The following RSPO2 variants were observed in gnomAD, a reference collection of about 807,000 sequenced individuals.
RSPO2 encodes R-spondin 2.
RSPO2 carries 14 observed loss-of-function variants against 30.9 expected under a neutral mutation model. That is an observed-to-expected ratio of 0.45 (90% CI 0.30 to 0.71). The LOEUF (loss-of-function observed/expected upper bound fraction) is 0.71, where lower values mean the gene tolerates loss of function less well. RSPO2 is among the 30% of genes least tolerant of loss of function. The probability of loss-of-function intolerance (pLI) is 0.08; values close to 1 mark genes in which losing one functional copy is unlikely to be tolerated. For synonymous variants in RSPO2, 107 were observed against 96.4 expected (o/e 1.11, Z -0.64); for missense variants, 264 against 301.9 (o/e 0.87, Z 0.93).
Position 107,971,723 on chromosome 8 carries a change from AAC to A in RSPO2, c.284-10908_284-10907del, listed in dbSNP as rs936863645. Among the ~76,000 whole-genome samples, 14 of 152,298 alleles carry A rather than the reference AAC, an allele frequency of 9.2e-5. No homozygotes were observed. The East Asian group carries it at 1.9e-3, about 21-fold the overall frequency. ...CAAGAGAACACTGTGATCTTTCAAA[AAC>A]ACACATTTTTCACGTCATTTCCCTA... On this transcript the variant is annotated intron_variant, in intron 3 of 5. Transcript: ENST00000276659.
intron 3 of RSPO2, among the ~76,000 whole-genome samples, chr8:107,973,416 T>C (rs1316474245): frequency 6.6e-6 from 1 of 152,104 alleles, no homozygotes; most frequent in African/African-American, 2.4e-5. Flanking sequence ...GTTTGACCTA[T>C]ATCGGTCTGC....
intron 2 of RSPO2, among the ~76,000 whole-genome samples, chr8:108,040,235 C>G (rs1330642608): frequency 6.6e-6 from 1 of 152,022 alleles, no homozygotes; most frequent in African/African-American, 2.4e-5. Context: ...AGCAACCAAC[C>G]AGAAGGTTGT....
In RSPO2 at chr8:107,951,141, C is replaced by T. The variant is rs144719043; in HGVS notation, c.616+6939G>A. Among the ~76,000 whole-genome samples, 1,132 of 151,132 alleles carry T rather than the reference C, an allele frequency of 7.5e-3. 7 individuals carry two copies. The highest frequency in any genetic ancestry group is 0.012 in the Non-Finnish European group (785 of 67,928). On this transcript the variant is annotated intron_variant, in intron 5 of 5. Coordinates refer to ENST00000276659, the MANE Select transcript of RSPO2 (RefSeq NM_178565.5). ...GAGTGCAGTGGCACGATTTCAGCTC[C>T]ACCTCCTGGGTTCAAGAGATTCTTC...
At chr8:108,075,426 G>C (rs1452439173) in intron 2 of RSPO2, among the ~76,000 whole-genome samples, 1 of 151,108 alleles carries the variant, frequency 6.6e-6, no homozygotes, top group Non-Finnish European at 1.5e-5. Flanking sequence ...GGTTCAGTGA[G>C]TCAAGATCAC....
intron 3 of RSPO2, among the ~76,000 whole-genome samples, chr8:107,965,597 A>T (rs918779052): frequency 2.6e-5 from 4 of 151,976 alleles, no homozygotes; most frequent in Non-Finnish European, 1.5e-5. Context: ...TCTTGGGTAC[A>T]TTAGAGACAG....
At chr8:107,962,282 G>T (rs1333086908) in intron 3 of RSPO2, among the ~76,000 whole-genome samples, 1 of 151,964 alleles carries the variant, frequency 6.6e-6, no homozygotes, top group African/African-American at 2.4e-5. Context: ...AAATTTAAAG[G>T]CTAAAAACAA....
chr8:107,956,893 A>G (rs1486051538), intron 5 of RSPO2, among the ~76,000 whole-genome samples: 1 of 152,194 alleles, frequency 6.6e-6, no homozygotes, highest in African/African-American at 2.4e-5. Context: ...TTTGACTGAA[A>G]AATACCTAGT....
intron 2 of RSPO2, among the ~76,000 whole-genome samples, chr8:108,008,791 A>C (rs1220736115): frequency 6.7e-6 from 1 of 149,904 alleles, no homozygotes; most frequent in African/African-American, 2.5e-5. Flanking sequence ...AAACTGCAAA[A>C]AAAAAAAAAT....
chr8:107,967,110 AC>A (rs1445572421), intron 3 of RSPO2, among the ~76,000 whole-genome samples: 1 of 152,202 alleles, frequency 6.6e-6, no homozygotes, highest in African/African-American at 2.4e-5. Flanking sequence ...GGATCAAAGA[AC>A]ATCAAGCCAA....
chr8:107,977,309 G>T (rs1170866756), intron 3 of RSPO2, among the ~76,000 whole-genome samples: 1 of 152,158 alleles, frequency 6.6e-6, no homozygotes, highest in Admixed American at 6.5e-5. Context: ...AGCCAGTCGG[G>T]TCAGCCACAC....
At chr8:107,960,637 A>T (rs772690698) in intron 4 of RSPO2, 37 bp downstream of exon 4, 16 of 1,588,138 alleles carry the variant, frequency 1.0e-5, no homozygotes, top group Middle Eastern at 1.7e-4. Flanking sequence ...GCTAAAATAA[A>T]AGTTGCAGAT....
At chr8:107,910,508 G>A (rs555932274) in intron 5 of RSPO2, among the ~76,000 whole-genome samples, 8 of 152,258 alleles carry the variant, frequency 5.3e-5, no homozygotes, top group African/African-American at 1.7e-4. Flanking sequence ...ACTCCAGCCT[G>A]GGTGACAAAG....
intron 2 of RSPO2, among the ~76,000 whole-genome samples, chr8:108,077,914 A>G (rs943054569): frequency 6.6e-6 from 1 of 152,178 alleles, no homozygotes; most frequent in Non-Finnish European, 1.5e-5. Flanking sequence ...TCAAGCTTAT[A>G]TCAAATAAAA....
At chr8:107,908,828 T>G (rs897688284) in intron 5 of RSPO2, among the ~76,000 whole-genome samples, 3 of 152,216 alleles carry the variant, frequency 2.0e-5, no homozygotes, top group Non-Finnish European at 2.9e-5. Context: ...AGAAAAAGCA[T>G]TATTCACAAA....
At chr8:107,969,617 T>C (rs747250503) in intron 3 of RSPO2, among the ~76,000 whole-genome samples, 7 of 152,056 alleles carry the variant, frequency 4.6e-5, no homozygotes, top group Non-Finnish European at 8.8e-5. Context: ...TCAAAACAAA[T>C]GAAATTAAAA....
In RSPO2 at chr8:107,901,093, T is replaced by G; in HGVS notation, c.714A>C (p.Thr238=). Residue 238 remains threonine (T), a synonymous_variant, in exon 6 of 6, where the codon ACA becomes ACC. Coordinates refer to ENST00000276659, the MANE Select transcript of RSPO2 (RefSeq NM_178565.5). ...AQEQHSVFLA[T]DRANQ The stretch of plus-strand genomic sequence containing the variant: ...TCTTGTTTTATTGGTTAGCTCTGTC[T>G]GTAGCTAGGAAGACGCTGTGTTGCT... 6.2e-7 allele frequency: 1 copy of G among 1,614,034 alleles called. No individual in the cohort carries two copies.
intron 2 of RSPO2, among the ~76,000 whole-genome samples, chr8:108,004,366 C>T (rs1815379316): frequency 6.6e-6 from 1 of 152,214 alleles, no homozygotes. Flanking sequence ...AAATGGGCCA[C>T]TCTCCTCACT....
chr8:108,032,940 C>G (rs538878176), intron 2 of RSPO2, among the ~76,000 whole-genome samples: 4 of 148,024 alleles, frequency 2.7e-5, no homozygotes, highest in African/African-American at 9.9e-5. Context: ...GTCCCAGCTA[C>G]TTGGGAGGCT....
At chr8:108,000,708 T>C (rs2130556265) in intron 2 of RSPO2, among the ~76,000 whole-genome samples, 1 of 151,916 alleles carries the variant, frequency 6.6e-6, no homozygotes, top group African/African-American at 2.4e-5. Context: ...ACTTAGAAAT[T>C]CTCCAGGGAA....
Sources: gnomAD v4.1 joint callset for allele counts (sites outside exome capture counted in the v4.1 genomes callset) on GRCh38, gnomAD v4.1.1 for gene constraint, MANE v1.5 for transcripts, NCBI Gene and HGNC (gene_info 2026-07-23, HGNC 2026-07-21) for gene names.